The following LDB2 variants were observed in gnomAD, a reference collection of about 807,000 sequenced individuals.
LDB2 encodes LIM domain-binding protein 2.
LDB2 carries 12 observed loss-of-function variants against 44.3 expected under a neutral mutation model. The ratio of observed to expected loss-of-function variants is 0.27; its 90% CI spans 0.17 to 0.44. The LOEUF is 0.44. LDB2 is among the 20% of genes least tolerant of loss of function. The probability of loss-of-function intolerance (pLI) is 1.00; values close to 1 mark genes in which losing one functional copy is unlikely to be tolerated. For missense variants in LDB2, 344 were observed against 473.5 expected (o/e 0.73, Z 2.54); for synonymous variants, 164 against 174.8 (o/e 0.94, Z 0.49).
At chr4:16,729,805 C>T (rs774983417) in intron 2 of LDB2, among the ~76,000 whole-genome samples, 13 of 152,170 alleles carry the variant, frequency 8.5e-5, no homozygotes, top group Admixed American at 7.9e-4. Flanking sequence ...GCACACAAAA[C>T]TCTGGCACTG....
At chr4:16,583,386 C>T (rs906335998) in intron 5 of LDB2, among the ~76,000 whole-genome samples, 1 of 152,136 alleles carries the variant, frequency 6.6e-6, no homozygotes, top group African/African-American at 2.4e-5. Context: ...ATCCATCTGA[C>T]CTCTTTTTCT....
chr4:16,687,804 C>T lies in LDB2; in HGVS notation c.235+71354G>A, dbSNP rs141068174. 2.0e-5 allele frequency among the ~76,000 whole-genome samples: 3 copies of T among 152,228 alleles called. No homozygotes were observed. The East Asian group carries it at 5.8e-4, about 29-fold the overall frequency. Reference sequence around the variant, plus strand: ...ATGTAAGAATATGTGATTCTAGGAACTGTCTTGTAAATTCTCAGGAAGAGA... The same window carrying T: ...ATGTAAGAATATGTGATTCTAGGAATTGTCTTGTAAATTCTCAGGAAGAGA... On this transcript the variant is annotated intron_variant, in intron 2 of 7. Transcript: ENST00000304523.
chr4:16,650,836 A>G (rs971956494), intron 2 of LDB2, among the ~76,000 whole-genome samples: 53 of 152,316 alleles, frequency 3.5e-4, no homozygotes, highest in African/African-American at 1.2e-3. Context: ...TGTCATATCA[A>G]TGGTCACTCT....
chr4:16,742,952 A>C (rs1394267518), intron 2 of LDB2, among the ~76,000 whole-genome samples: 1 of 151,924 alleles, frequency 6.6e-6, no homozygotes, highest in African/African-American at 2.4e-5. Flanking sequence ...GCAGGAAATG[A>C]CTTCTGTTTT....
chr4:16,647,766 G>A (rs745716859), intron 2 of LDB2, among the ~76,000 whole-genome samples: 1 of 152,034 alleles, frequency 6.6e-6, no homozygotes, highest in Non-Finnish European at 1.5e-5. Context: ...CCCTCTTTCC[G>A]ACACCATGTA....
intron 5 of LDB2, among the ~76,000 whole-genome samples, chr4:16,516,900 C>T (rs1035136318): frequency 2.6e-5 from 4 of 152,204 alleles, no homozygotes; most frequent in African/African-American, 4.8e-5. Context: ...GCTGGAGAGG[C>T]AGCCCTCCCC....
rs147027603 is a variant in LDB2, at chr4:16,875,752, C to T, written c.132+22602G>A. On this transcript the variant is annotated intron_variant, in intron 1 of 7. Transcript: ENST00000304523. ...TGTAAGCAGACGGCCAAGGATAGGCCGTCTCCAGGGACCACCAGCCAAAGG... is the reference window on the plus strand; with the variant it reads ...TGTAAGCAGACGGCCAAGGATAGGCTGTCTCCAGGGACCACCAGCCAAAGG... Among the ~76,000 whole-genome samples the T allele has an allele frequency of 8.5e-5, 13 of 152,252 alleles. No individual in the cohort carries two copies. The East Asian group carries it at 2.1e-3, about 25-fold the overall frequency.
At chr4:16,847,838 A>G (rs1193645373) in intron 1 of LDB2, among the ~76,000 whole-genome samples, 1 of 152,146 alleles carries the variant, frequency 6.6e-6, no homozygotes, top group Non-Finnish European at 1.5e-5. Flanking sequence ...GGATGGTCTC[A>G]ATTTCCTGAC....
At chr4:16,864,465 T>A (rs1216015056) in intron 1 of LDB2, among the ~76,000 whole-genome samples, 4 of 152,132 alleles carry the variant, frequency 2.6e-5, no homozygotes, top group Non-Finnish European at 4.4e-5. Flanking sequence ...GCCAAACTAA[T>A]ACAATACAGT....
rs187617871 is a variant in LDB2, at chr4:16,549,091, A to C, written c.615+36831T>G. ...TTATTGAAGGAATCTGGTGTAGGCCATTCTCCTGTTCAGAGCTTTTTCTAG... is the reference window on the plus strand; with the variant it reads ...TTATTGAAGGAATCTGGTGTAGGCCCTTCTCCTGTTCAGAGCTTTTTCTAG... On this transcript the variant is annotated intron_variant, in intron 5 of 7. Coordinates refer to ENST00000304523, the MANE Select transcript of LDB2 (RefSeq NM_001290.5). 2.7e-4 allele frequency among the ~76,000 whole-genome samples: 41 copies of C among 152,334 alleles called. 1 individual carries two copies. In the East Asian group the frequency reaches 5.2e-3, roughly 19 times the overall value.
intron 2 of LDB2, among the ~76,000 whole-genome samples, chr4:16,723,053 C>T (rs1238587156): frequency 6.6e-6 from 1 of 152,100 alleles, no homozygotes; most frequent in African/African-American, 2.4e-5. Context: ...GATGTAACTC[C>T]ACAGTAAGTT....
chr4:16,662,546 C>T (rs542102191), intron 2 of LDB2, among the ~76,000 whole-genome samples: 2 of 151,996 alleles, frequency 1.3e-5, no homozygotes, highest in Non-Finnish European at 2.9e-5. Flanking sequence ...TGGCTGTGTC[C>T]CCACCCAAAT....
At chr4:16,772,329 C>G (rs1223973829) in intron 1 of LDB2, among the ~76,000 whole-genome samples, 1 of 152,184 alleles carries the variant, frequency 6.6e-6, no homozygotes, top group Non-Finnish European at 1.5e-5. Flanking sequence ...CTGCTTTGCT[C>G]TGAAGCCTGG....
intron 2 of LDB2, among the ~76,000 whole-genome samples, chr4:16,700,515 T>C (rs905186081): frequency 6.6e-6 from 1 of 152,232 alleles, no homozygotes; most frequent in African/African-American, 2.4e-5. Context: ...GCTAAAAACA[T>C]CCGGTGTGTT....
chr4:16,538,117 A>G (rs1021186025), intron 5 of LDB2, among the ~76,000 whole-genome samples: 9 of 152,294 alleles, frequency 5.9e-5, no homozygotes, highest in African/African-American at 2.2e-4. Context: ...CACCCAACCC[A>G]TGGACTGTTT....
At chr4:16,553,440 G>A (rs1029606840) in intron 5 of LDB2, among the ~76,000 whole-genome samples, 5 of 152,140 alleles carry the variant, frequency 3.3e-5, no homozygotes, top group Non-Finnish European at 7.3e-5. Flanking sequence ...GGGATTACAG[G>A]CATGGGCCAC....
At chr4:16,757,928 T>C (rs1396997242) in intron 2 of LDB2, among the ~76,000 whole-genome samples, 2 of 152,006 alleles carry the variant, frequency 1.3e-5, no homozygotes, top group African/African-American at 4.8e-5. Flanking sequence ...CTGCCCCTCC[T>C]CTCGCCCAAA....
chr4:16,608,844 G>A (rs779114334), intron 2 of LDB2, among the ~76,000 whole-genome samples: 3 of 152,138 alleles, frequency 2.0e-5, no homozygotes, highest in African/African-American at 4.8e-5. Context: ...TGGACCACAC[G>A]AGTCAGGAGC....
chr4:16,531,973 A>G (rs1326689856), intron 5 of LDB2, among the ~76,000 whole-genome samples: 1 of 152,088 alleles, frequency 6.6e-6, no homozygotes, highest in African/African-American at 2.4e-5. Context: ...AGTTTCATTT[A>G]AGGATAAAAC....
Sources: allele counts gnomAD v4.1 joint callset (sites outside exome capture counted in the v4.1 genomes callset), GRCh38; gene constraint gnomAD v4.1.1; transcripts MANE v1.5; gene names NCBI Gene and HGNC (gene_info 2026-07-23, HGNC 2026-07-21).